Variants in SLC25A14 observed in about 807,000 individuals in gnomAD.
The protein encoded by SLC25A14 is solute carrier family 25 member 14, also known as brain mitochondrial carrier protein 1.
A neutral mutation model predicts 28.1 loss-of-function variants in SLC25A14; 8 were observed. That is an observed-to-expected ratio of 0.28 (90% CI 0.17 to 0.51). SLC25A14 has a LOEUF of 0.51. SLC25A14 is among the 20% of genes least tolerant of loss of function. SLC25A14 has a pLI of 0.97. For synonymous variants in SLC25A14, 74 were observed against 90.6 expected, an observed-to-expected ratio of 0.82 and a Z score of 1.04; for missense variants, 135 against 263.8, an observed-to-expected ratio of 0.51 and a Z score of 3.38.
At chrX:130,372,315 C>T (rs377711867) in intron 10 of SLC25A14, among the ~76,000 whole-genome samples, 2 of 110,664 alleles carry the variant, frequency 1.8e-5, no homozygotes, top group Non-Finnish European at 3.8e-5. Context: ...TGCGTGTGTG[C>T]GTTTGTCCTG....
chrX:130,347,248 TGTTAAACTATGTTACATC>T (rs1423368187), intron 4 of SLC25A14, among the ~76,000 whole-genome samples: 1 of 111,355 alleles, frequency 9.0e-6, no homozygotes, highest in African/African-American at 3.3e-5. Context: ...TCAATTTTAT[TGTTAAACTATGTTACATC>T]GTTAAACTAT....
intron 7 of SLC25A14, among the ~76,000 whole-genome samples, chrX:130,363,098 G>T (rs2034019116): frequency 8.9e-6 from 1 of 112,151 alleles, no homozygotes; most frequent in South Asian, 3.7e-4. Context: ...CGATTTAATT[G>T]TTTCTAGTAT....
At chrX:130,354,334 C>T (rs1014658873) in intron 6 of SLC25A14, among the ~76,000 whole-genome samples, 4 of 110,991 alleles carry the variant, frequency 3.6e-5, no homozygotes, top group African/African-American at 1.3e-4. Flanking sequence ...AGGATGGTGT[C>T]GATTTCCTGA....
intron 9 of SLC25A14, among the ~76,000 whole-genome samples, chrX:130,366,906 C>G (rs1358093506): frequency 1.8e-5 from 2 of 111,581 alleles, no homozygotes; most frequent in Non-Finnish European, 3.8e-5. Context: ...ATATTTTAAA[C>G]TATATCAGGT....
intron 5 of SLC25A14, 105 bp downstream of exon 5, chrX:130,349,450 C>A: frequency 2.3e-6 from 1 of 441,006 alleles, no homozygotes; most frequent in Non-Finnish European, 3.9e-6. Context: ...AGGAGAGTCA[C>A]TGCAAAGACA....
intron 6 of SLC25A14, among the ~76,000 whole-genome samples, chrX:130,356,417 C>T (rs1242554756): frequency 2.8e-5 from 3 of 108,640 alleles, no homozygotes; most frequent in South Asian, 4.1e-4. Flanking sequence ...TTAGTAGAGA[C>T]GGGGTTTCGC....
At chrX:130,365,168 T>C (rs1352446444) in intron 8 of SLC25A14, 2 of 807,232 alleles carry the variant, frequency 2.5e-6, no homozygotes, top group African/African-American at 4.5e-5. Context: ...CTGATCTCAT[T>C]TTACATTTTC....
At chrX:130,367,847 A>G (rs2034157909) in intron 9 of SLC25A14, among the ~76,000 whole-genome samples, 1 of 111,967 alleles carries the variant, frequency 8.9e-6, no homozygotes, top group Non-Finnish European at 1.9e-5. Context: ...CAATGGCGTG[A>G]TCTCTGCTCA....
chrX:130,343,392 A>C (rs149003340), intron 2 of SLC25A14, among the ~76,000 whole-genome samples: 1 of 111,697 alleles, frequency 9.0e-6, no homozygotes, highest in South Asian at 3.7e-4. Context: ...CAAGACTCCT[A>C]TTTCCAGCTG....
In SLC25A14 at chrX:130,364,711, A is replaced by G. The variant is rs2034070641; in HGVS notation, c.678A>G (p.Ile226Met). 2 of 1,204,224 alleles carry G rather than the reference A, an allele frequency of 1.7e-6. No homozygotes were observed. Among genetic ancestry groups the G allele is most frequent in the Admixed American group, 2.2e-5 (1 of 45,865 alleles). ...ATGATATTACTAAGAAGCATTTAATATTGTCAGGAATGATGGGCGATACAA... is the reference window on the plus strand; with the variant it reads ...ATGATATTACTAAGAAGCATTTAATGTTGTCAGGAATGATGGGCGATACAA... ...PVYDITKKHL[I>M]LSGMMGDTIL... is the part of the protein sequence containing the mutation. Residue 226 changes from isoleucine to methionine, a missense_variant, in exon 8 of 11, where the codon ATA becomes ATG. By Grantham distance (10) the Ile-to-Met change is conservative. Coordinates refer to ENST00000545805, the MANE Select transcript of SLC25A14 (RefSeq NM_001282195.2).
intron 6 of SLC25A14, among the ~76,000 whole-genome samples, chrX:130,356,930 C>A (rs1041265597): frequency 8.9e-6 from 1 of 111,837 alleles, no homozygotes; most frequent in Non-Finnish European, 1.9e-5. Context: ...AGTGTGTACC[C>A]CACTCCCTCA....
chrX:130,364,480 C>T, intron 7 of SLC25A14, 148 bp from the exon 8 acceptor site: 1 of 319,440 alleles, frequency 3.1e-6, no homozygotes, highest in Non-Finnish European at 5.5e-6. Flanking sequence ...GTATATGTTC[C>T]ATTATTAGTC....
chrX:130,347,508 A>G (rs926640380), intron 4 of SLC25A14, among the ~76,000 whole-genome samples: 3 of 111,724 alleles, frequency 2.7e-5, no homozygotes, highest in Non-Finnish European at 3.8e-5. Context: ...CTGTCTTTCT[A>G]TTTATACCTC....
chrX:130,364,511 T>C (rs1379579737), intron 7 of SLC25A14, 117 bp from the exon 8 acceptor site: 1 of 446,125 alleles, frequency 2.2e-6, no homozygotes, highest in Non-Finnish European at 3.9e-6. Context: ...AAGAGTGACG[T>C]CTGTACTTCA....
chrX:130,356,176 C>A (rs2033781266), intron 6 of SLC25A14, among the ~76,000 whole-genome samples: 1 of 107,536 alleles, frequency 9.3e-6, no homozygotes, highest in South Asian at 4.0e-4. Context: ...TTCCATCATT[C>A]CATCCATGTT....
At chrX:130,356,351 C>G (rs1316100361) in intron 6 of SLC25A14, among the ~76,000 whole-genome samples, 2 of 106,266 alleles carry the variant, frequency 1.9e-5, no homozygotes, top group Admixed American at 1.0e-4. Context: ...CTCAGCCTCT[C>G]GAGTAGCTGG....
At chrX:130,366,227 A>T (rs1443562649) in intron 9 of SLC25A14, among the ~76,000 whole-genome samples, 1 of 112,595 alleles carries the variant, frequency 8.9e-6, no homozygotes, top group Non-Finnish European at 1.9e-5. Context: ...CAACTATTAC[A>T]TATTAGACAC....
At chrX:130,341,665 A>T (rs2033265860) in intron 2 of SLC25A14, among the ~76,000 whole-genome samples, 2 of 112,467 alleles carry the variant, frequency 1.8e-5, no homozygotes, top group Non-Finnish European at 3.8e-5. Flanking sequence ...CCGAAGTCAG[A>T]TCTTCAGAAT....
chrX:130,343,406 T>G (rs746814581), intron 2 of SLC25A14, among the ~76,000 whole-genome samples: 1 of 112,041 alleles, frequency 8.9e-6, no homozygotes, highest in African/African-American at 3.2e-5. Context: ...CCAGCTGCAG[T>G]TGATACTTGA....
Sources: allele counts gnomAD v4.1 joint callset (sites outside exome capture counted in the v4.1 genomes callset), GRCh38; gene constraint gnomAD v4.1.1; transcripts MANE v1.5; gene names NCBI Gene and HGNC (gene_info 2026-07-23, HGNC 2026-07-21).